Variants in EPN2 observed in about 807,000 individuals in gnomAD.
The protein encoded by EPN2 is epsin-2.
Under a neutral mutation model 61.7 loss-of-function variants are expected in EPN2, and 34 were observed. The ratio of observed to expected loss-of-function variants is 0.55; its 90% confidence interval spans 0.42 to 0.73. The LOEUF (loss-of-function observed/expected upper bound fraction) is 0.73. Among genes scored for constraint, EPN2 ranks in the 30% least tolerant of loss-of-function variants. EPN2 has a pLI of 0.00. For synonymous variants in EPN2, 349 were observed against 353.6 expected (o/e 0.99, Z 0.15); for missense variants, 714 against 839.2 (o/e 0.85, Z 1.84).
At chr17:19,295,359 C>A (rs932192775) in intron 4 of EPN2, among the ~76,000 whole-genome samples, 1 of 68,260 alleles carries the variant, frequency 1.5e-5, no homozygotes, top group African/African-American at 3.8e-5. Flanking sequence ...CACACACACA[C>A]ACACACACGC....
At chr17:19,295,366 A>ACACGCGCGCGCGCG (rs147719775) in intron 4 of EPN2, among the ~76,000 whole-genome samples, 71 of 140,382 alleles carry the variant, frequency 5.1e-4, no homozygotes, top group African/African-American at 1.8e-3. Flanking sequence ...ACACACACAC[A>ACACGCGCGCGCGCG]CGCGCGTGCG....
intron 4 of EPN2, among the ~76,000 whole-genome samples, chr17:19,290,628 C>T (rs952860618): frequency 7.2e-6 from 1 of 138,870 alleles, no homozygotes; most frequent in Non-Finnish European, 1.5e-5. Flanking sequence ...TTGATGCTCC[C>T]TGAGCAAGTC....
intron 4 of EPN2, among the ~76,000 whole-genome samples, chr17:19,295,498 C>G (rs1294508608): frequency 6.6e-6 from 1 of 152,010 alleles, no homozygotes; most frequent in Non-Finnish European, 1.5e-5. Context: ...TGCCATTAGA[C>G]TCCAGCCTGG....
chr17:19,301,718 G>A (rs911152702), intron 4 of EPN2, among the ~76,000 whole-genome samples: 6 of 152,292 alleles, frequency 3.9e-5, no homozygotes, highest in South Asian at 2.1e-4. Context: ...CCCTTTTGCC[G>A]TTCCTTCCAG....
intron 1 of EPN2, among the ~76,000 whole-genome samples, chr17:19,281,160 A>G (rs2045355091): frequency 6.6e-6 from 1 of 152,170 alleles, no homozygotes; most frequent in African/African-American, 2.4e-5. Context: ...TGGAGGCTTC[A>G]TTATGGAGAC....
chr17:19,326,813 A>G (rs1231490518), intron 7 of EPN2, among the ~76,000 whole-genome samples: 1 of 151,820 alleles, frequency 6.6e-6, no homozygotes, highest in East Asian at 1.9e-4. Context: ...GAGTGGATGG[A>G]CTCTAGTCCA....
At chr17:19,332,980 C>G (rs1193135786) in intron 10 of EPN2, among the ~76,000 whole-genome samples, 2 of 152,342 alleles carry the variant, frequency 1.3e-5, no homozygotes, top group East Asian at 1.9e-4. Context: ...ACTGAACTTA[C>G]AGAGGCTGAG....
At chr17:19,321,252 A>T (rs1003831135) in intron 7 of EPN2, among the ~76,000 whole-genome samples, 1 of 152,002 alleles carries the variant, frequency 6.6e-6, no homozygotes, top group African/African-American at 2.4e-5. Flanking sequence ...GACCACCAAC[A>T]CTCAGACCCC....
chr17:19,302,559 C>G (rs1679041698), intron 4 of EPN2, among the ~76,000 whole-genome samples: 1 of 152,168 alleles, frequency 6.6e-6, no homozygotes, highest in Admixed American at 6.5e-5. Flanking sequence ...TCAGTGTTTC[C>G]CATCACCCCC....
intron 1 of EPN2, among the ~76,000 whole-genome samples, chr17:19,257,546 G>A (rs1433667227): frequency 6.7e-6 from 1 of 148,168 alleles, no homozygotes; most frequent in African/African-American, 2.5e-5. Flanking sequence ...TTGACACGGG[G>A]TCTTGCTGTC....
At chr17:19,279,587 C>T (rs1597990562) in intron 1 of EPN2, among the ~76,000 whole-genome samples, 1 of 151,638 alleles carries the variant, frequency 6.6e-6, no homozygotes, top group Non-Finnish European at 1.5e-5. Context: ...TACAGGCGCC[C>T]GCCACTATGC....
intron 4 of EPN2, among the ~76,000 whole-genome samples, chr17:19,289,861 A>G (rs893785243): frequency 8.7e-5 from 13 of 150,052 alleles, no homozygotes; most frequent in African/African-American, 3.2e-4. Context: ...AGTAGCTGGG[A>G]TTACAGGCAC....
At chr17:19,315,358 CGGA>C (rs1369161710) in intron 7 of EPN2, among the ~76,000 whole-genome samples, 1 of 152,094 alleles carries the variant, frequency 6.6e-6, no homozygotes, top group Non-Finnish European at 1.5e-5. Context: ...GGGGTGTGAG[CGGA>C]GGAGTCTCCC....
intron 4 of EPN2, chr17:19,305,882 C>G (rs1259777179): frequency 6.6e-6 from 1 of 152,190 alleles, no homozygotes; most frequent in African/African-American, 2.4e-5. Flanking sequence ...AGCCTCTCCC[C>G]CTTAGGCTTT....
intron 1 of EPN2, among the ~76,000 whole-genome samples, chr17:19,246,835 C>T (rs913030897): frequency 1.5e-5 from 2 of 137,174 alleles, no homozygotes; most frequent in African/African-American, 2.8e-5. Context: ...GTGGCGCGAT[C>T]TCAGCTCACT....
chr17:19,289,137 T>A (rs1249772358), intron 4 of EPN2, among the ~76,000 whole-genome samples: 1 of 132,766 alleles, frequency 7.5e-6, no homozygotes, highest in Non-Finnish European at 1.5e-5. Context: ...CAGGCTGGAG[T>A]GCAGTGGCAC....
intron 1 of EPN2, among the ~76,000 whole-genome samples, chr17:19,273,681 T>G (rs2045278228): frequency 6.6e-6 from 1 of 152,190 alleles, no homozygotes; most frequent in Non-Finnish European, 1.5e-5. Context: ...ATTTGATTTC[T>G]CTAACCAACA....
intron 7 of EPN2, among the ~76,000 whole-genome samples, chr17:19,326,758 A>T (rs1906895020): frequency 6.6e-6 from 1 of 150,876 alleles, no homozygotes; most frequent in African/African-American, 2.4e-5. Context: ...AAGCCCACAA[A>T]GACTTGACTT....
At position 19,285,639 on chromosome 17, in the gene EPN2, C is replaced by T; in HGVS notation, c.615C>T (p.Cys205=). 1.3e-6 allele frequency: 2 copies of T among 1,555,950 alleles called. No homozygotes were observed. The highest frequency in any genetic ancestry group is 1.7e-6 in the Non-Finnish European group (2 of 1,150,612). The change falls in exon 4 of 11, where the codon TGC becomes TGT. Residue 205 remains cysteine (C), a synonymous_variant. Coordinates refer to ENST00000314728, the MANE Select transcript of EPN2 (RefSeq NM_014964.5). The surrounding 1 kb of genome is among the most constrained non-coding windows in gnomAD (Gnocchi z 4.5). ...SYHGSPEASL[C]PQHRTGAPLG... is the part of the protein sequence containing the mutation. Reference sequence around the variant, plus strand: ...CCACAGCGCCTGAGGCCTCGCTGTGCCCCCAGCACCGCACAGGGGCCCCGC... The same window carrying T: ...CCACAGCGCCTGAGGCCTCGCTGTGTCCCCAGCACCGCACAGGGGCCCCGC...
Sources: gnomAD v4.1 joint callset for allele counts (sites outside exome capture counted in the v4.1 genomes callset) on GRCh38, gnomAD v4.1.1 for gene constraint, Gnocchi (gnomAD v3.1) non-coding constraint, MANE v1.5 for transcripts, NCBI Gene and HGNC (gene_info 2026-07-23, HGNC 2026-07-21) for gene names.